SPATA6L: variants seen among roughly 807,000 people sequenced by gnomAD.
SPATA6L encodes the protein spermatogenesis associated 6-like protein.
SPATA6L carries 68 observed loss-of-function variants against 49.2 expected under a neutral mutation model. The ratio of observed to expected loss-of-function variants is 1.38; its 90% confidence interval spans 1.14 to 1.69. The LOEUF is 1.69. Ranked by LOEUF, SPATA6L falls within the 40% of genes most tolerant of loss-of-function variation. The pLI is 0.00. For synonymous variants in SPATA6L, 198 were observed against 165.7 expected, an observed-to-expected ratio of 1.19 and a Z score of -1.50; for missense variants, 668 against 464.3, an observed-to-expected ratio of 1.44 and a Z score of -4.03.
chr9:4,659,615 A>G (rs1383319315), intron 2 of SPATA6L, among the ~76,000 whole-genome samples: 2 of 152,218 alleles, frequency 1.3e-5, no homozygotes, highest in African/African-American at 2.4e-5. Context: ...AGGGTAATTT[A>G]TAGACTCAAT....
chr9:4,638,760 G>T (rs527484327), intron 3 of SPATA6L, among the ~76,000 whole-genome samples: 1 of 151,268 alleles, frequency 6.6e-6, no homozygotes, highest in African/African-American at 2.4e-5. Context: ...ATAGTGTTAA[G>T]AACTCTTTTC....
intron 1 of SPATA6L, among the ~76,000 whole-genome samples, chr9:4,665,562 C>A (rs547687177): frequency 1.6e-4 from 25 of 152,284 alleles, no homozygotes; most frequent in Non-Finnish European, 3.1e-4. Context: ...AGTAGAAAAG[C>A]CCCTAGAGGA....
At chr9:4,645,997 TA>T (rs1394133336) in intron 3 of SPATA6L, among the ~76,000 whole-genome samples, 1 of 152,160 alleles carries the variant, frequency 6.6e-6, no homozygotes, top group African/African-American at 2.4e-5. Flanking sequence ...TAAATCGCAA[TA>T]AAAAATGTGG....
chr9:4,656,422 G>A (rs1032913997), intron 2 of SPATA6L, among the ~76,000 whole-genome samples: 32 of 150,306 alleles, frequency 2.1e-4, no homozygotes, highest in Non-Finnish European at 3.1e-4. Context: ...ATGGGAGAAA[G>A]AGTGAGACCC....
chr9:4,626,730 C>G (rs1311583368), intron 5 of SPATA6L: 12 of 381,650 alleles, frequency 3.1e-5, no homozygotes, highest in Non-Finnish European at 5.2e-5. Flanking sequence ...CAGTTAAGTG[C>G]TCAACAAAAG....
At position 4,599,197 on chromosome 9, in the gene SPATA6L, G is replaced by A. The variant is rs1822664676; in HGVS notation, c.*1614C>T. On this transcript the variant is annotated 3_prime_UTR_variant, in exon 12 of 12. Transcript: ENST00000682582. ...TGCACCCTGCCACATGCAGTCAGATGTGGAATTTTTCACTTATGGTGTTAT... is the reference window on the plus strand; with the variant it reads ...TGCACCCTGCCACATGCAGTCAGATATGGAATTTTTCACTTATGGTGTTAT... Among the ~76,000 whole-genome samples, 2 of 152,160 alleles carry A rather than the reference G, an allele frequency of 1.3e-5. No individual in the cohort carries two copies. The highest frequency in any genetic ancestry group is 6.5e-5 in the Admixed American group (1 of 15,274).
rs533026535 is a variant in SPATA6L at position 4,605,608 on chromosome 9, G to C, written c.996-168C>G. ...AATGTCTTTCTTAAACCTACCCATA[G>C]GAAAAGCACTGGGGAATAAAAACTG... is the stretch of plus-strand genomic sequence containing the variant. On this transcript the variant is annotated intron_variant, in intron 9 of 11. Coordinates refer to ENST00000682582, the MANE Select transcript of SPATA6L (RefSeq NM_001353486.2). Among the ~76,000 whole-genome samples the C allele has an allele frequency of 2.7e-3, 405 of 152,288 alleles. 1 individual carries two copies. Among genetic ancestry groups the C allele is most frequent in the Non-Finnish European group, 4.8e-3 (327 of 68,026 alleles).
Position 4,625,567 on chromosome 9 carries a change from C to A in SPATA6L, c.430-1G>T. 4 of 1,479,414 alleles carry A rather than the reference C, an allele frequency of 2.7e-6. No homozygotes were observed. Among genetic ancestry groups the A allele is most frequent in the South Asian group, 1.4e-5 (1 of 69,490 alleles). The allele number at this position is 1,479,414 out of a possible 1,614,324, so 91.6% of individuals were successfully genotyped here. ...GCCTCCGTGACTCATGTCTTTCTTC[C>A]TGAAATAAACAAAAAAAGAATATTT... On this transcript the variant is annotated splice_acceptor_variant, in intron 5 of 11. Transcript: ENST00000682582. LOFTEE classifies it high-confidence loss of function.
chr9:4,613,638 C>A (rs1827290745), intron 9 of SPATA6L, among the ~76,000 whole-genome samples: 1 of 151,988 alleles, frequency 6.6e-6, no homozygotes, highest in Admixed American at 6.6e-5. Context: ...TGCTGGAGTG[C>A]AGTGGCGCTA....
chr9:4,644,847 C>G (rs994200811), intron 3 of SPATA6L, among the ~76,000 whole-genome samples: 27 of 152,274 alleles, frequency 1.8e-4, no homozygotes, highest in Non-Finnish European at 3.8e-4. Context: ...TCACTCAAGA[C>G]ACACTGCATA....
chr9:4,639,649 C>G (rs1282226038), intron 3 of SPATA6L, among the ~76,000 whole-genome samples: 2 of 152,114 alleles, frequency 1.3e-5, no homozygotes, highest in African/African-American at 2.4e-5. Flanking sequence ...TCTTATAGGT[C>G]AAGGGAAGTA....
At chr9:4,596,328 G>GTC (rs1564082810), downstream of SPATA6L, 16 of 152,204 alleles carry the variant, frequency 1.1e-4, no homozygotes, top group African/African-American at 3.9e-4. Flanking sequence ...GCTGGGAGGA[G>GTC]ACCCAGTGAA....
At chr9:4,645,908 T>C (rs1835271892) in intron 3 of SPATA6L, among the ~76,000 whole-genome samples, 1 of 152,204 alleles carries the variant, frequency 6.6e-6, no homozygotes, top group East Asian at 1.9e-4. Context: ...CTGGAATTAG[T>C]GGTGATGGCT....
rs1262110369 is a variant in SPATA6L at position 4,629,137 on chromosome 9, C to T, written c.383G>A (p.Arg128Lys). The T allele has an allele frequency of 1.2e-6, 2 of 1,611,342 alleles. No homozygotes were observed. Among genetic ancestry groups the T allele is most frequent in the Non-Finnish European group, 1.7e-6 (2 of 1,179,156 alleles). ...GIAPKIEFSTRTAIRECVFLH... is the reference protein window; with the variant it reads ...GIAPKIEFSTKTAIRECVFLH... ...AAACACACATTCTCTGATGGCTGTC[C>T]TTGTAGAAAACTCTATTTTGGGAGC... Residue 128 changes from arginine (R) to lysine (K), a missense_variant, in exon 5 of 12, where the codon AGG (arginine) becomes AAG (lysine). Coordinates refer to ENST00000682582, the MANE Select transcript of SPATA6L (RefSeq NM_001353486.2).
At chr9:4,589,290 C>A (rs1361865742) in intron 13 of SPATA6L, among the ~76,000 whole-genome samples, 1 of 152,188 alleles carries the variant, frequency 6.6e-6, no homozygotes, top group East Asian at 1.9e-4. Context: ...CCCACCCCTG[C>A]TTCTGGGAAA....
intron 4 of SPATA6L, among the ~76,000 whole-genome samples, chr9:4,631,606 A>T (rs1410663423): frequency 6.7e-6 from 1 of 149,096 alleles, no homozygotes; most frequent in Non-Finnish European, 1.5e-5. Flanking sequence ...CAAAATACAC[A>T]AATACAAAGA....
chr9:4,590,926 G>C (rs1324088906), intron 13 of SPATA6L, among the ~76,000 whole-genome samples: 2 of 152,178 alleles, frequency 1.3e-5, no homozygotes, highest in South Asian at 2.1e-4. Context: ...CCAAGTGTTA[G>C]CACAATGTCG....
chr9:4,593,772 C>G (rs749857127), downstream of SPATA6L, among the ~76,000 whole-genome samples: 1 of 152,188 alleles, frequency 6.6e-6, no homozygotes, highest in Non-Finnish European at 1.5e-5. Context: ...GCTTCCAAGA[C>G]ATTACCAGAT....
chr9:4,595,360 T>C (rs374618578), downstream of SPATA6L, among the ~76,000 whole-genome samples: 95 of 152,312 alleles, frequency 6.2e-4, no homozygotes, highest in Non-Finnish European at 1.2e-3. Context: ...TGAGGTTCTA[T>C]TGCCCTAATT....
Sources: gnomAD v4.1 joint callset for allele counts (sites outside exome capture counted in the v4.1 genomes callset) on GRCh38, gnomAD v4.1.1 for gene constraint, MANE v1.5 for transcripts, NCBI Gene and HGNC (gene_info 2026-07-23, HGNC 2026-07-21) for gene names.